Variants in WHAMM observed in about 807,000 individuals in gnomAD.
WHAMM encodes WASP homolog-associated protein with actin, membranes and microtubules.
A neutral mutation model predicts 76.5 loss-of-function variants in WHAMM; 67 were observed. The ratio of observed to expected loss-of-function variants is 0.88; its 90% confidence interval spans 0.72 to 1.07. The LOEUF is 1.07. Ranked by LOEUF, WHAMM falls within the 50% of genes least tolerant of loss-of-function variation. The pLI is 0.00. For synonymous variants in WHAMM, 419 were observed against 422.1 expected (o/e 0.99, Z 0.09); for missense variants, 1,021 against 1,051.1 (o/e 0.97, Z 0.40).
chr15:82,811,780 C>T (rs1342495270), intron 1 of WHAMM, among the ~76,000 whole-genome samples: 3 of 151,866 alleles, frequency 2.0e-5, no homozygotes, highest in Non-Finnish European at 4.4e-5. Flanking sequence ...AGAAATAAGG[C>T]TGAAATGTAT....
rs1209166798 is a variant in WHAMM at position 82,809,678 on chromosome 15, A to C, written c.-49A>C. On this transcript the variant is annotated 5_prime_UTR_variant, in exon 1 of 10. Transcript: ENST00000286760. ...CTGTCCCGTGACAGGCGGTGCGAGG[A>C]GGCCAGGCCCGCGCCCGCCGAGCCC... The C allele has an allele frequency of 1.1e-5, 15 of 1,308,756 alleles. No homozygotes were observed. Among genetic ancestry groups the C allele is most frequent in the Non-Finnish European group, 1.4e-5 (14 of 1,014,750 alleles). The allele number at this position is 1,308,756 out of a possible 1,614,324, so 81.1% of individuals were successfully genotyped here.
Position 82,830,658 on chromosome 15 carries a change from G to T in WHAMM, c.1701G>T (p.Leu567=), listed in dbSNP as rs2051011821. The T allele has an allele frequency of 6.2e-7, 1 of 1,613,928 alleles. No individual in the cohort carries two copies. Among genetic ancestry groups the T allele is most frequent in the Non-Finnish European group, 8.5e-7 (1 of 1,179,888 alleles). ...GCTCAGAACCTGTGGCTCCAAACCT[G>T]CCAAGTGATCTTTCCCAGCAGATGT... The part of the protein sequence containing the change: ...TSGSEPVAPN[L]PSDLSQQMCL... The change falls in exon 9 of 10, where the codon CTG becomes CTT. Residue 567 remains leucine (L), a synonymous_variant. Coordinates refer to ENST00000286760, the MANE Select transcript of WHAMM (RefSeq NM_001080435.3).
chr15:82,830,544 C>A, intron 8 of WHAMM, 55 bp from the exon 9 acceptor site: 2 of 1,568,216 alleles, frequency 1.3e-6, no homozygotes, highest in Non-Finnish European at 1.7e-6. Context: ...AAAGTTTCAG[C>A]ATTTTGATGG....
chr15:82,832,853 T>C (rs911598063), intron 9 of WHAMM, among the ~76,000 whole-genome samples: 1 of 152,180 alleles, frequency 6.6e-6, no homozygotes, highest in African/African-American at 2.4e-5. Context: ...TTCAGAGGTA[T>C]CCAGGTCACG....
Position 82,833,215 on chromosome 15 carries a change from T to C in WHAMM, c.2123-14T>C, listed in dbSNP as rs750465995. The C allele has an allele frequency of 3.1e-6, 5 of 1,610,866 alleles. No homozygotes were observed. The highest frequency in any genetic ancestry group is 1.7e-5 in the Admixed American group (1 of 59,630). On this transcript the variant is annotated splice_polypyrimidine_tract_variant and intron_variant, in intron 9 of 9. Transcript: ENST00000286760. Reference sequence around the variant, plus strand: ...GTTTTATTGATAGTACTAGCTCTGCTTATTCAATTTCAGGATCTATGGATG... The same window carrying C: ...GTTTTATTGATAGTACTAGCTCTGCCTATTCAATTTCAGGATCTATGGATG...
intron 8 of WHAMM, among the ~76,000 whole-genome samples, chr15:82,829,361 C>T (rs1049663693): frequency 8.5e-5 from 13 of 152,192 alleles, no homozygotes; most frequent in East Asian, 1.9e-4. Flanking sequence ...ATGCTGCAGC[C>T]GGGATGCCAC....
Position 82,818,138 on chromosome 15 carries a change from T to C in WHAMM, c.1104+49T>C, listed in dbSNP as rs757780522. ...TTGTTTTAAAAATACACTTTTATTT[T>C]TAAAACATTTTGTATAAATAAAGGA... is the stretch of plus-strand genomic sequence containing the variant. On this transcript the variant is annotated intron_variant, in intron 4 of 9. Coordinates refer to ENST00000286760, the MANE Select transcript of WHAMM (RefSeq NM_001080435.3). 2.7e-6 allele frequency: 4 copies of C among 1,508,340 alleles called. No individual in the cohort carries two copies. In the South Asian group the frequency reaches 5.0e-5, roughly 19 times the overall value. 93.4% of individuals were successfully genotyped at this position (1,508,340 alleles called of 1,614,324 possible).
chr15:82,813,567 TG>T (rs1306846888), intron 2 of WHAMM, among the ~76,000 whole-genome samples: 3 of 151,060 alleles, frequency 2.0e-5, no homozygotes, highest in Admixed American at 6.6e-5. Flanking sequence ...TGATAGAAAA[TG>T]AAGACATTTA....
chr15:82,817,804 C>T, intron 3 of WHAMM, 116 bp from the exon 4 acceptor site: 1 of 797,006 alleles, frequency 1.3e-6, no homozygotes, highest in Middle Eastern at 4.2e-4. Context: ...AATAAAATTT[C>T]TTTTAAAAAG....
At chr15:82,810,490 G>C in intron 1 of WHAMM, 155 bp downstream of exon 1, 7 of 985,448 alleles carry the variant, frequency 7.1e-6, no homozygotes, top group Non-Finnish European at 8.4e-6. Context: ...TCACCTGCGC[G>C]GGACCGCTGC....
intron 5 of WHAMM, 85 bp from the exon 6 acceptor site, chr15:82,823,015 C>A (rs1216817584): frequency 7.7e-6 from 9 of 1,164,570 alleles, no homozygotes; most frequent in South Asian, 3.0e-5. Context: ...TACAAGTGAT[C>A]TTTATTTTTC....
At chr15:82,818,206 G>A in intron 4 of WHAMM, 117 bp downstream of exon 4, 1 of 1,135,188 alleles carries the variant, frequency 8.8e-7, no homozygotes, top group East Asian at 2.6e-5. Flanking sequence ...GTGTAGTGGT[G>A]AAGTTTGGGC....
chr15:82,818,839 C>T (rs534566746), intron 4 of WHAMM, among the ~76,000 whole-genome samples: 8 of 152,330 alleles, frequency 5.3e-5, no homozygotes, highest in African/African-American at 1.7e-4. Context: ...GGTGAGGATC[C>T]TCTTCCTGTC....
At position 82,833,283 on chromosome 15, in the gene WHAMM, AGGTGGAAGTGCCGGC is replaced by A. The variant is rs1567000385; in HGVS notation, c.2182_2196del (p.Glu728_Val732del). On this transcript the variant is annotated inframe_deletion, in exon 10 of 10. Transcript: ENST00000286760. ...AGGCATGGCAGAGCTCCTCTCCGGAAGGTGGAAGTGCCGGCGGTGCGCCCTCCCCACGCCTCAATC... is the reference window on the plus strand; with the variant it reads ...AGGCATGGCAGAGCTCCTCTCCGGAAGGTGCGCCCTCCCCACGCCTCAATC... 1 of 1,614,060 alleles carries A rather than the reference AGGTGGAAGTGCCGGC, an allele frequency of 6.2e-7. No individual in the cohort carries two copies. Among genetic ancestry groups the A allele is most frequent in the East Asian group, 2.2e-5 (1 of 44,896 alleles).
intron 4 of WHAMM, among the ~76,000 whole-genome samples, chr15:82,818,742 T>C (rs965988330): frequency 1.1e-4 from 16 of 152,170 alleles, no homozygotes; most frequent in African/African-American, 3.1e-4. Flanking sequence ...ATATCACAGA[T>C]TGGGTGGCTT....
chr15:82,822,547 C>T (rs1454863637), intron 5 of WHAMM, among the ~76,000 whole-genome samples: 1 of 152,200 alleles, frequency 6.6e-6, no homozygotes, highest in Non-Finnish European at 1.5e-5. Context: ...ATGCTGTTCT[C>T]CTGCCTCAGC....
Position 82,830,728 on chromosome 15 carries a change from A to G in WHAMM, c.1771A>G (p.Arg591Gly). 2 of 1,613,998 alleles carry G rather than the reference A, an allele frequency of 1.2e-6. No individual in the cohort carries two copies. The highest frequency in any genetic ancestry group is 1.7e-6 in the Non-Finnish European group (2 of 1,179,890). The change falls in exon 9 of 10, where the codon AGG (arginine) becomes GGG (glycine). Residue 591 changes from arginine to glycine, a missense_variant. By Grantham distance (125) the Arg-to-Gly change is moderately radical. Around this residue, in one of 3 missense-constraint regions of WHAMM, gnomAD observed 509 missense variants for 492.3 expected, o/e 1.03. Coordinates refer to ENST00000286760, the MANE Select transcript of WHAMM (RefSeq NM_001080435.3). ...GGTGTCAGTAATTCACCCGTCCTCT[A>G]GGAAAACTAGAGGTGTTCCCCTATC... is the stretch of plus-strand genomic sequence containing the variant. ...HAVSVIHPSS[R>G]KTRGVPLSEA...
chr15:82,813,841 G>T (rs370729718), intron 2 of WHAMM, among the ~76,000 whole-genome samples: 16 of 151,306 alleles, frequency 1.1e-4, no homozygotes, highest in African/African-American at 3.2e-4. Flanking sequence ...TGTATTTTTA[G>T]TAGAGACGGG....
At chr15:82,813,647 ATTTTTTTTTTTTTTTT>A (rs10563149) in intron 2 of WHAMM, among the ~76,000 whole-genome samples, 1 of 60,072 alleles carries the variant, frequency 1.7e-5, no homozygotes, top group Admixed American at 2.9e-4. Flanking sequence ...CTGGTGATGA[ATTTTTTTTTTTTTTTT>A]TTTTTTTTTT....
Sources: allele counts gnomAD v4.1 joint callset (sites outside exome capture counted in the v4.1 genomes callset), GRCh38; gene constraint gnomAD v4.1.1; regional missense constraint gnomAD v4.1.1; transcripts MANE v1.5; gene names NCBI Gene and HGNC (gene_info 2026-07-23, HGNC 2026-07-21).